Variants in SAMD5 observed in about 807,000 individuals in gnomAD.
SAMD5 encodes sterile alpha motif domain-containing protein 5.
Under a neutral mutation model 11.3 loss-of-function variants are expected in SAMD5, and 13 were observed. The ratio of observed to expected loss-of-function variants is 1.15; its 90% CI spans 0.75 to 1.83. SAMD5 has a LOEUF of 1.83. Ranked by LOEUF, SAMD5 falls within the 40% of genes most tolerant of loss-of-function variation. The pLI, the probability that SAMD5 is intolerant of heterozygous loss-of-function variation, is 0.00. For missense variants in SAMD5, 255 were observed against 239.1 expected (o/e 1.07, Z -0.44); for synonymous variants, 129 against 111.3 (o/e 1.16, Z -1.00).
At chr6:147,935,920 G>A in the SAMD5 span, among the ~76,000 whole-genome samples, 1 of 152,318 alleles carries the variant, frequency 6.6e-6, no homozygotes, top group Non-Finnish European at 1.5e-5. Context: ...GGAGTGGAGA[G>A]AGAGAGCCAA....
At chr6:147,583,795 A>G (rs2179570) in intron 1 of SAMD5, among the ~76,000 whole-genome samples, 13,578 of 148,688 alleles carry the variant, frequency 0.091, 877 homozygotes, top group East Asian at 0.3. Flanking sequence ...GACCTGATAA[A>G]AGGGAAAAAA....
chr6:147,681,530 C>T (rs751715928), intron 1 of SAMD5, among the ~76,000 whole-genome samples: 2 of 151,882 alleles, frequency 1.3e-5, no homozygotes, highest in African/African-American at 4.8e-5. Context: ...GTGTTGATTC[C>T]GATTGATTAT....
At chr6:147,513,691 A>G (rs494395) in intron 1 of SAMD5, among the ~76,000 whole-genome samples, 54,290 of 151,970 alleles carry the variant, frequency 0.36, 11,315 homozygotes, top group African/African-American at 0.58. Flanking sequence ...TTGTCAAAGC[A>G]AAAGGTAAGC....
the SAMD5 span, among the ~76,000 whole-genome samples, chr6:147,912,130 CT>C: frequency 0.023 from 3,305 of 146,044 alleles, 115 homozygotes; most frequent in African/African-American, 0.069. Flanking sequence ...GATTCTATTT[CT>C]TTTTTTTTTT....
Position 147,600,882 on chromosome 6 carries a change from C to G in SAMD5, c.162+91495C>G, listed in dbSNP as rs907803162. Among the ~76,000 whole-genome samples, 10 of 152,300 alleles carry G rather than the reference C, an allele frequency of 6.6e-5. No homozygotes were observed. The East Asian group carries it at 1.9e-3, about 29-fold the overall frequency. On this transcript the variant is annotated intron_variant, in intron 1 of 1. Transcript: ENST00000566741. ...GCTTCCTTAAGGAAATCGAATGCTG[C>G]TGTAGCAGTTCTACCCTTGACTGTG... is the stretch of plus-strand genomic sequence containing the variant.
At chr6:147,831,469 A>T in the SAMD5 span, among the ~76,000 whole-genome samples, 1,125 of 152,236 alleles carry the variant, frequency 7.4e-3, 17 homozygotes, top group African/African-American at 0.026. Flanking sequence ...AGATGAAAAG[A>T]CTTATTGGAT....
At chr6:147,631,335 CA>C (rs914654494) in intron 1 of SAMD5, among the ~76,000 whole-genome samples, 13 of 152,244 alleles carry the variant, frequency 8.5e-5, no homozygotes, top group African/African-American at 2.9e-4. Flanking sequence ...AGAGAGTGCC[CA>C]AGGGGGTTCA....
chr6:147,911,034 G>A, the SAMD5 span, among the ~76,000 whole-genome samples: 1 of 152,320 alleles, frequency 6.6e-6, no homozygotes, highest in East Asian at 1.9e-4. Flanking sequence ...ATCCTTTGAG[G>A]TGGGTGGATA....
At chr6:147,737,867 G>A (rs576629285), downstream of SAMD5, among the ~76,000 whole-genome samples, 6 of 151,536 alleles carry the variant, frequency 4.0e-5, no homozygotes, top group African/African-American at 9.7e-5. Flanking sequence ...CCAGGACATC[G>A]GTTATTTCCT....
the SAMD5 span, among the ~76,000 whole-genome samples, chr6:147,851,902 G>A: frequency 6.6e-6 from 1 of 152,050 alleles, no homozygotes; most frequent in African/African-American, 2.4e-5. Context: ...AATTTAAATT[G>A]TATTAGGAAA....
chr6:147,646,032 A>G (rs62436297), intron 1 of SAMD5, among the ~76,000 whole-genome samples: 1 of 31,708 alleles, frequency 3.2e-5, no homozygotes, highest in Non-Finnish European at 6.7e-5. Context: ...CTATGTATCT[A>G]TCTATCTATC....
At chr6:147,915,116 A>G in the SAMD5 span, among the ~76,000 whole-genome samples, 1 of 152,224 alleles carries the variant, frequency 6.6e-6, no homozygotes, top group Non-Finnish European at 1.5e-5. Flanking sequence ...ATTGGAATAC[A>G]GACAGTAGAT....
At chr6:147,869,870 T>A in the SAMD5 span, among the ~76,000 whole-genome samples, 2,623 of 152,030 alleles carry the variant, frequency 0.017, 33 homozygotes, top group Non-Finnish European at 0.027. Flanking sequence ...GCTAACTTTT[T>A]CTTTGTTGTT....
the SAMD5 span, among the ~76,000 whole-genome samples, chr6:147,790,058 A>G: frequency 4.6e-5 from 7 of 152,224 alleles, no homozygotes; most frequent in African/African-American, 1.7e-4. Context: ...CGTATGATCC[A>G]GCAGTTGTGC....
the SAMD5 span, among the ~76,000 whole-genome samples, chr6:147,783,397 G>A: frequency 6.6e-6 from 1 of 150,622 alleles, no homozygotes; most frequent in Non-Finnish European, 1.5e-5. Flanking sequence ...TTTTTGCGGG[G>A]GGTCGGGGCG....
At chr6:147,905,768 T>G in the SAMD5 span, among the ~76,000 whole-genome samples, 1 of 152,228 alleles carries the variant, frequency 6.6e-6, no homozygotes, top group Non-Finnish European at 1.5e-5. Flanking sequence ...AGATGAATTC[T>G]AAAAATGTGT....
chr6:147,902,744 G>C, the SAMD5 span, among the ~76,000 whole-genome samples: 2 of 152,088 alleles, frequency 1.3e-5, no homozygotes, highest in Non-Finnish European at 2.9e-5. Flanking sequence ...ATTCTTCAAA[G>C]AGTGGCTTAA....
chr6:147,906,767 C>T, the SAMD5 span, among the ~76,000 whole-genome samples: 1 of 152,118 alleles, frequency 6.6e-6, no homozygotes, highest in East Asian at 1.9e-4. Context: ...AGAAAAGTCT[C>T]GAGGCAGGTA....
downstream of SAMD5, chr6:147,737,603 G>A: frequency 2.2e-5 from 3 of 134,162 alleles, no homozygotes; most frequent in Admixed American, 8.0e-5. Flanking sequence ...TTTAAAATAA[G>A]AATAATCCTG....
Sources: allele counts gnomAD v4.1 joint callset (sites outside exome capture counted in the v4.1 genomes callset), GRCh38; gene constraint gnomAD v4.1.1; transcripts MANE v1.5; gene names NCBI Gene and HGNC (gene_info 2026-07-23, HGNC 2026-07-21).